The following NELL1 variants were observed in gnomAD, a reference collection of about 807,000 sequenced individuals.
The protein encoded by NELL1 is neural EGFL like 1.
In NELL1, 76 loss-of-function variants were observed where a neutral mutation model predicts 107.4. The observed-to-expected ratio is 0.71, with a 90% confidence interval of 0.59 to 0.86. The LOEUF is 0.86. Ranked by LOEUF, NELL1 falls within the 40% of genes least tolerant of loss-of-function variation. The probability of loss-of-function intolerance (pLI) is 0.00; values close to 1 mark genes in which losing one functional copy is unlikely to be tolerated. For synonymous variants in NELL1, 353 were observed against 341.2 expected, an observed-to-expected ratio of 1.03 and a Z score of -0.38; for missense variants, 1,024 against 1,005.5, an observed-to-expected ratio of 1.02 and a Z score of -0.25.
At chr11:20,980,729 A>G (rs536005283) in intron 12 of NELL1, among the ~76,000 whole-genome samples, 1 of 152,236 alleles carries the variant, frequency 6.6e-6, no homozygotes, top group South Asian at 2.1e-4. Context: ...CTAATGCCCT[A>G]CCCCATAGTC....
chr11:20,858,990 A>C (rs2134071038), intron 4 of NELL1, among the ~76,000 whole-genome samples: 1 of 152,206 alleles, frequency 6.6e-6, no homozygotes, highest in South Asian at 2.1e-4. Context: ...AGAGATGAAA[A>C]ATTAGCCTGC....
chr11:20,975,607 T>G (rs1286429198), intron 12 of NELL1, among the ~76,000 whole-genome samples: 1 of 143,480 alleles, frequency 7.0e-6, no homozygotes, highest in Non-Finnish European at 1.5e-5. Context: ...ATGTATTATA[T>G]ATACACATAT....
chr11:21,484,823 T>C (rs1309702286), intron 15 of NELL1, among the ~76,000 whole-genome samples: 2 of 152,142 alleles, frequency 1.3e-5, no homozygotes, highest in African/African-American at 2.4e-5. Flanking sequence ...TTCAGAAATA[T>C]GACTCCTTAC....
At chr11:20,684,612 G>T (rs1854264017) in intron 2 of NELL1, among the ~76,000 whole-genome samples, 1 of 151,924 alleles carries the variant, frequency 6.6e-6, no homozygotes, top group African/African-American at 2.4e-5. Context: ...CTTCTTCCTT[G>T]CATGCCTCTT....
At chr11:21,121,929 A>G in intron 13 of NELL1, among the ~76,000 whole-genome samples, 1 of 152,216 alleles carries the variant, frequency 6.6e-6, no homozygotes, top group Admixed American at 6.5e-5. Context: ...TAGTGATAGT[A>G]GTGTTAAAAT....
chr11:20,983,968 A>G (rs1004059024), intron 12 of NELL1, among the ~76,000 whole-genome samples: 2 of 151,922 alleles, frequency 1.3e-5, no homozygotes, highest in African/African-American at 2.4e-5. Flanking sequence ...CCTCAGTAAC[A>G]TATCTTCTAG....
At chr11:21,128,579 TC>T (rs1364711183) in intron 13 of NELL1, among the ~76,000 whole-genome samples, 1 of 152,174 alleles carries the variant, frequency 6.6e-6, no homozygotes. Context: ...GTATTTTTTC[TC>T]ATTAGGAGAG....
intron 13 of NELL1, among the ~76,000 whole-genome samples, chr11:21,161,026 C>CAG (rs1444022726): frequency 6.9e-4 from 104 of 151,798 alleles, no homozygotes; most frequent in Non-Finnish European, 1.1e-3. Flanking sequence ...CACACACACA[C>CAG]ACACACACAC....
chr11:20,803,838 A>G lies in NELL1; in HGVS notation c.335+20008A>G, dbSNP rs140479349. The stretch of plus-strand genomic sequence containing the variant: ...CCTTAATCTGGGTGGGCACAGTCTA[A>G]TCAGCTGCCAGCATGGCTAGAATAT... On this transcript the variant is annotated intron_variant, in intron 3 of 19. Transcript: ENST00000357134. Among the ~76,000 whole-genome samples the G allele has an allele frequency of 4.7e-3, 720 of 152,232 alleles. 10 individuals carry two copies. The highest frequency in any genetic ancestry group is 0.016 in the African/African-American group (670 of 41,548).
Position 20,693,741 on chromosome 11 carries a change from G to A in NELL1, c.184+15681G>A, listed in dbSNP as rs1288300108. ...ACATTTTTTCCTTCATTTCAACTTT[G>A]GTGAATCTGACAATTATGTGTCTTG... On this transcript the variant is annotated intron_variant, in intron 2 of 19. Coordinates refer to ENST00000357134, the MANE Select transcript of NELL1 (RefSeq NM_006157.5). 1.2e-4 allele frequency among the ~76,000 whole-genome samples: 18 copies of A among 151,790 alleles called. 1 individual carries two copies. Among genetic ancestry groups the A allele is most frequent in the African/African-American group, 4.3e-4 (18 of 41,394 alleles).
intron 14 of NELL1, among the ~76,000 whole-genome samples, chr11:21,321,045 A>G (rs910693000): frequency 1.1e-4 from 16 of 152,336 alleles, no homozygotes; most frequent in Admixed American, 3.3e-4. Context: ...TGACTTTGAC[A>G]TTAATTTCCA....
Position 20,677,920 on chromosome 11 carries a change from G to A in NELL1, c.56-12G>A, listed in dbSNP as rs1854099508. The A allele has an allele frequency of 3.1e-6, 5 of 1,613,742 alleles. No homozygotes were observed. The South Asian group carries it at 3.3e-5, about 11-fold the overall frequency. On this transcript the variant is annotated splice_polypyrimidine_tract_variant and intron_variant, in intron 1 of 19. Transcript: ENST00000357134. The stretch of plus-strand genomic sequence containing the variant: ...GCATTTTAAGCCCAAACAACTCTTT[G>A]TTCCTTTCCAGTGGTGGGCTTTGGG...
At chr11:21,219,771 A>G (rs1210655596) in intron 13 of NELL1, among the ~76,000 whole-genome samples, 1 of 152,202 alleles carries the variant, frequency 6.6e-6, no homozygotes, top group African/African-American at 2.4e-5. Flanking sequence ...CACTTTTGTC[A>G]AAAATCAGTT....
intron 14 of NELL1, among the ~76,000 whole-genome samples, chr11:21,328,721 A>G (rs150708516): frequency 6.6e-6 from 1 of 152,184 alleles, no homozygotes; most frequent in African/African-American, 2.4e-5. Context: ...GAGCTGCCCA[A>G]GACTATGGGA....
chr11:21,073,918 G>C (rs1854074379), intron 12 of NELL1, among the ~76,000 whole-genome samples: 1 of 151,952 alleles, frequency 6.6e-6, no homozygotes, highest in Admixed American at 6.6e-5. Flanking sequence ...GCTTCTTTTA[G>C]GCAAACAACA....
In NELL1 at chr11:21,331,010, C is replaced by A. The variant is rs373928831; in HGVS notation, c.1550-39843C>A. On this transcript the variant is annotated intron_variant, in intron 14 of 19. Coordinates refer to ENST00000357134, the MANE Select transcript of NELL1 (RefSeq NM_006157.5). ...AATCAGTTTTTGAGACCCTCTAGTACATTTTTCATTTCAGTTATATTAGTT... is the reference window on the plus strand; with the variant it reads ...AATCAGTTTTTGAGACCCTCTAGTAAATTTTTCATTTCAGTTATATTAGTT... 6.5e-3 allele frequency among the ~76,000 whole-genome samples: 985 copies of A among 152,200 alleles called. 10 individuals carry two copies. The highest frequency in any genetic ancestry group is 0.022 in the African/African-American group (911 of 41,546).
At chr11:21,151,024 A>G (rs1624132) in intron 13 of NELL1, among the ~76,000 whole-genome samples, 111,301 of 152,008 alleles carry the variant, frequency 0.73, 40,882 homozygotes, top group Admixed American at 0.81. Flanking sequence ...CTCACTCACT[A>G]TCATGAAATC....
At chr11:21,317,948 T>C (rs1440146551) in intron 14 of NELL1, among the ~76,000 whole-genome samples, 1 of 152,154 alleles carries the variant, frequency 6.6e-6, no homozygotes, top group Non-Finnish European at 1.5e-5. Flanking sequence ...AGAAAAATCC[T>C]ATGTGTTGCT....
In NELL1 at chr11:21,043,499, C is replaced by T. The variant is rs547146615; in HGVS notation, c.1301-70090C>T. 3.9e-5 allele frequency among the ~76,000 whole-genome samples: 6 copies of T among 152,006 alleles called. No homozygotes were observed. The East Asian group carries it at 1.2e-3, about 29-fold the overall frequency. ...ACCATGATGTCCATGTAAGGGTTCA[C>T]GTTATGAAAGGTCCATGGGCTATGT... On this transcript the variant is annotated intron_variant, in intron 12 of 19. Coordinates refer to ENST00000357134, the MANE Select transcript of NELL1 (RefSeq NM_006157.5).
Sources: gnomAD v4.1 joint callset for allele counts (sites outside exome capture counted in the v4.1 genomes callset) on GRCh38, gnomAD v4.1.1 for gene constraint, MANE v1.5 for transcripts, NCBI Gene and HGNC (gene_info 2026-07-23, HGNC 2026-07-21) for gene names.